Variants in FAF1 observed in about 807,000 individuals in gnomAD.
FAF1 encodes the protein Fas associated factor 1.
In FAF1, 25 loss-of-function variants were observed where a neutral mutation model predicts 92.5. That is an observed-to-expected ratio of 0.27 (90% CI 0.20 to 0.38). FAF1 has a LOEUF of 0.38. Ranked by LOEUF, FAF1 falls within the 10% of genes least tolerant of loss-of-function variation. FAF1 has a pLI of 1.00. For missense variants in FAF1, 636 were observed against 793.3 expected, an observed-to-expected ratio of 0.80 and a Z score of 2.38; for synonymous variants, 234 against 273.2, an observed-to-expected ratio of 0.86 and a Z score of 1.42.
chr1:50,749,509 T>C (rs890637971), intron 4 of FAF1, among the ~76,000 whole-genome samples: 3 of 152,076 alleles, frequency 2.0e-5, no homozygotes, highest in African/African-American at 7.2e-5. Flanking sequence ...TACTCTCTAT[T>C]GCAAGGTGGC....
intron 2 of FAF1, among the ~76,000 whole-genome samples, chr1:50,815,875 A>G (rs1344769837): frequency 6.6e-6 from 1 of 151,896 alleles, no homozygotes. Context: ...AATACCAAAG[A>G]AGTTAGCCAG....
intron 9 of FAF1, among the ~76,000 whole-genome samples, chr1:50,587,913 A>G (rs72900903): frequency 0.066 from 10,024 of 152,294 alleles, 407 homozygotes; most frequent in East Asian, 0.092. Context: ...ACTGGCATTA[A>G]AGCAAGCTTA....
Position 50,490,820 on chromosome 1 carries a change from C to T in FAF1, c.1576-155G>A, listed in dbSNP as rs981528014. ...ATGACTCAGAGGTATATTGTGGTAA[C>T]GGAAATGTTTCTAGAACAAGAATGG... On this transcript the variant is annotated intron_variant, in intron 16 of 18. Transcript: ENST00000396153. Among the ~76,000 whole-genome samples the T allele has an allele frequency of 9.2e-5, 14 of 152,210 alleles. 1 individual carries two copies. Among genetic ancestry groups the T allele is most frequent in the South Asian group, 4.2e-4 (2 of 4,812 alleles).
At chr1:50,533,869 C>T (rs951805969) in intron 15 of FAF1, among the ~76,000 whole-genome samples, 16 of 152,150 alleles carry the variant, frequency 1.1e-4, no homozygotes, top group African/African-American at 3.4e-4. Flanking sequence ...GAATGATCCA[C>T]GTAATAATGA....
chr1:50,704,550 C>A (rs184883901), intron 7 of FAF1, among the ~76,000 whole-genome samples: 3 of 152,002 alleles, frequency 2.0e-5, no homozygotes, highest in Non-Finnish European at 4.4e-5. Flanking sequence ...GGAGCCACGG[C>A]AAAACATTAT....
intron 12 of FAF1, among the ~76,000 whole-genome samples, chr1:50,573,929 A>G (rs1650584143): frequency 6.6e-6 from 1 of 152,128 alleles, no homozygotes; most frequent in African/African-American, 2.4e-5. Flanking sequence ...GGAGTTCAAG[A>G]CCAGCCTGGC....
intron 16 of FAF1, among the ~76,000 whole-genome samples, chr1:50,491,466 T>C (rs541356689): frequency 6.6e-6 from 1 of 152,350 alleles, no homozygotes; most frequent in African/African-American, 2.4e-5. Flanking sequence ...TGCTGGTTTC[T>C]ATCATAGACC....
At chr1:50,809,403 T>G (rs1266952607) in intron 2 of FAF1, among the ~76,000 whole-genome samples, 1 of 151,638 alleles carries the variant, frequency 6.6e-6, no homozygotes, top group Non-Finnish European at 1.5e-5. Flanking sequence ...AAGCTCCAAA[T>G]GAACACAATA....
chr1:50,809,512 G>A (rs559512572), intron 2 of FAF1, among the ~76,000 whole-genome samples: 1 of 150,988 alleles, frequency 6.6e-6, no homozygotes, highest in African/African-American at 2.5e-5. Flanking sequence ...GCTAGAAAAC[G>A]TAGAAAAAAT....
At chr1:50,933,639 C>T (rs1454435710) in intron 1 of FAF1, among the ~76,000 whole-genome samples, 3 of 152,236 alleles carry the variant, frequency 2.0e-5, no homozygotes, top group East Asian at 1.9e-4. Context: ...CCAGTTCCAA[C>T]GTCGCATCCA....
chr1:50,800,375 T>C (rs1661941474), intron 3 of FAF1, among the ~76,000 whole-genome samples: 1 of 152,206 alleles, frequency 6.6e-6, no homozygotes, highest in African/African-American at 2.4e-5. Flanking sequence ...GAGTGATATT[T>C]AGCAGTGTGA....
At chr1:50,911,876 C>G (rs1344616243) in intron 1 of FAF1, among the ~76,000 whole-genome samples, 1 of 151,854 alleles carries the variant, frequency 6.6e-6, no homozygotes, top group Non-Finnish European at 1.5e-5. Flanking sequence ...CTACAAAAAA[C>G]ATACAGAAAA....
chr1:50,735,252 T>C (rs753665730), intron 6 of FAF1, among the ~76,000 whole-genome samples: 1 of 152,248 alleles, frequency 6.6e-6, no homozygotes, highest in African/African-American at 2.4e-5. Flanking sequence ...CTGTGATTTA[T>C]AATAGAATTT....
intron 1 of FAF1, among the ~76,000 whole-genome samples, chr1:50,890,386 G>A (rs545095226): frequency 6.6e-5 from 10 of 152,290 alleles, no homozygotes; most frequent in African/African-American, 2.4e-4. Flanking sequence ...TGTTATGTGT[G>A]AATTTGATCC....
At chr1:50,870,396 G>T (rs1644518049) in intron 1 of FAF1, among the ~76,000 whole-genome samples, 1 of 152,254 alleles carries the variant, frequency 6.6e-6, no homozygotes, top group Non-Finnish European at 1.5e-5. Flanking sequence ...GGCACAAGTT[G>T]CAGAGAGCCG....
At chr1:50,691,380 C>T (rs1656916426) in intron 7 of FAF1, among the ~76,000 whole-genome samples, 1 of 150,610 alleles carries the variant, frequency 6.6e-6, no homozygotes, top group Non-Finnish European at 1.5e-5. Flanking sequence ...GTAGCTGAGA[C>T]TGCAGGCATG....
At chr1:50,605,842 C>G (rs1652357513) in intron 8 of FAF1, among the ~76,000 whole-genome samples, 1 of 152,132 alleles carries the variant, frequency 6.6e-6, no homozygotes, top group African/African-American at 2.4e-5. Context: ...GAATGTTATA[C>G]TAACCATATA....
chr1:50,542,246 GC>G (rs780360908), intron 13 of FAF1, among the ~76,000 whole-genome samples: 7 of 152,150 alleles, frequency 4.6e-5, no homozygotes, highest in Non-Finnish European at 7.3e-5. Context: ...ATCATCAAGA[GC>G]CTGTAGGGCT....
At chr1:50,958,179 G>A (rs888865933) in intron 1 of FAF1, among the ~76,000 whole-genome samples, 7 of 152,062 alleles carry the variant, frequency 4.6e-5, no homozygotes, top group Non-Finnish European at 1.0e-4. Flanking sequence ...AATGTAGGCA[G>A]GCAAAAAGCC....
Sources: allele counts gnomAD v4.1 joint callset (sites outside exome capture counted in the v4.1 genomes callset), GRCh38; gene constraint gnomAD v4.1.1; transcripts MANE v1.5; gene names NCBI Gene and HGNC (gene_info 2026-07-23, HGNC 2026-07-21).